Variants in ADAMTSL1 observed in about 807,000 individuals in gnomAD.
The protein encoded by ADAMTSL1 is ADAMTS like 1.
In ADAMTSL1, 126 loss-of-function variants were observed where a neutral mutation model predicts 201.8. The observed-to-expected ratio is 0.62, with a 90% CI of 0.54 to 0.72. ADAMTSL1 has a LOEUF of 0.72. ADAMTSL1 is among the 30% of genes least tolerant of loss of function. The pLI is 0.00. For missense variants in ADAMTSL1, 2,679 were observed against 2,277.8 expected, an observed-to-expected ratio of 1.18 and a Z score of -3.59; for synonymous variants, 1,121 against 903.4, an observed-to-expected ratio of 1.24 and a Z score of -4.32.
intron 7 of ADAMTSL1, among the ~76,000 whole-genome samples, chr9:18,641,244 C>A (rs1332849003): frequency 6.6e-6 from 1 of 151,982 alleles, no homozygotes; most frequent in Non-Finnish European, 1.5e-5. Context: ...TTGACTCTAC[C>A]CCAAATTTCT....
At chr9:17,960,768 A>T (rs1245176107) in intron 1 of ADAMTSL1, among the ~76,000 whole-genome samples, 1 of 152,122 alleles carries the variant, frequency 6.6e-6, no homozygotes, top group Non-Finnish European at 1.5e-5. Flanking sequence ...GCCTGCACTT[A>T]TACTTTATAG....
Position 18,684,796 on chromosome 9 carries a change from C to G in ADAMTSL1, c.1570C>G (p.Pro524Ala). The change falls in exon 13 of 29, where the codon CCC becomes GCC. Residue 524 changes from proline to alanine, a missense_variant. Physicochemically the swap from Pro to Ala is conservative, Grantham distance 27 (BLOSUM62 -1). Coordinates refer to ENST00000380548, the MANE Select transcript of ADAMTSL1 (RefSeq NM_001040272.6). ...AGAAGGAGCTGCTGTGTCAGAGGAG[C>G]CCTCGTAAGTTGTAAAAGCACAGAC... ...LEEGAAVSEE[P>A]SFIPEAWSAC... is the part of the protein sequence containing the mutation. 1 of 1,610,300 alleles carries G rather than the reference C, an allele frequency of 6.2e-7. No individual in the cohort carries two copies. Among genetic ancestry groups the G allele is most frequent in the South Asian group, 1.1e-5 (1 of 89,638 alleles).
At chr9:18,665,350 A>G (rs1829367257) in intron 9 of ADAMTSL1, among the ~76,000 whole-genome samples, 1 of 152,154 alleles carries the variant, frequency 6.6e-6, no homozygotes, top group African/African-American at 2.4e-5. Flanking sequence ...AATCATAAAT[A>G]TCATCAGTAT....
At chr9:18,599,784 A>G (rs1824505773) in intron 4 of ADAMTSL1, among the ~76,000 whole-genome samples, 1 of 150,546 alleles carries the variant, frequency 6.6e-6, no homozygotes, top group Non-Finnish European at 1.5e-5. Flanking sequence ...TAATTAAATT[A>G]TATTTATATA....
chr9:18,421,343 T>C (rs1818938200), intron 2 of ADAMTSL1, among the ~76,000 whole-genome samples: 1 of 152,170 alleles, frequency 6.6e-6, no homozygotes. Flanking sequence ...ACTTCATTCA[T>C]ACTGCAAAGT....
Position 18,276,698 on chromosome 9 carries a change from T to C in ADAMTSL1, c.207+112717T>C, listed in dbSNP as rs532720169. Reference sequence around the variant, plus strand: ...GCAAAGGGGGAGGAGGTGGTGTATATCACATGATGAGAACAGGAGCAAGAG... The same window carrying C: ...GCAAAGGGGGAGGAGGTGGTGTATACCACATGATGAGAACAGGAGCAAGAG... On this transcript the variant is annotated intron_variant, in intron 2 of 29. Transcript: ENST00000680146. Among the ~76,000 whole-genome samples, 6 of 152,252 alleles carry C rather than the reference T, an allele frequency of 3.9e-5. No homozygotes were observed. The South Asian group carries it at 1.0e-3, about 26-fold the overall frequency.
intron 26 of ADAMTSL1, among the ~76,000 whole-genome samples, chr9:18,897,311 G>A (rs1369693967): frequency 6.6e-6 from 1 of 152,190 alleles, no homozygotes; most frequent in Non-Finnish European, 1.5e-5. Flanking sequence ...AGTCCAGGCA[G>A]TCTGGACAAG....
intron 16 of ADAMTSL1, among the ~76,000 whole-genome samples, chr9:18,766,584 A>G (rs1027272606): frequency 6.6e-6 from 1 of 152,170 alleles, no homozygotes; most frequent in African/African-American, 2.4e-5. Context: ...TCAATGACAG[A>G]AATTTATTTC....
chr9:18,676,108 C>G (rs1229250644), intron 10 of ADAMTSL1, among the ~76,000 whole-genome samples: 2 of 151,986 alleles, frequency 1.3e-5, no homozygotes, highest in East Asian at 3.9e-4. Flanking sequence ...ATTCAAAAAC[C>G]ACTTTAAGGT....
intron 1 of ADAMTSL1, among the ~76,000 whole-genome samples, chr9:18,011,006 A>G (rs1820029949): frequency 6.6e-6 from 1 of 151,998 alleles, no homozygotes. Context: ...TCTGAAAGAC[A>G]TGGCCCATGT....
intron 1 of ADAMTSL1, among the ~76,000 whole-genome samples, chr9:18,048,347 T>C (rs1252721036): frequency 1.3e-5 from 2 of 152,148 alleles, no homozygotes. Flanking sequence ...AAAAAACAGG[T>C]GAAATTCCAG....
chr9:18,766,442 G>C (rs1255853145), intron 16 of ADAMTSL1, among the ~76,000 whole-genome samples: 2 of 152,096 alleles, frequency 1.3e-5, no homozygotes, highest in Non-Finnish European at 2.9e-5. Flanking sequence ...AGACAATATG[G>C]GGTTTCCAAC....
rs115660813 is a variant in ADAMTSL1 at position 18,023,648 on chromosome 9, A to G, written c.87+116726A>G. Among the ~76,000 whole-genome samples, 891 of 152,146 alleles carry G rather than the reference A, an allele frequency of 5.9e-3. 8 individuals are homozygous for G. Among genetic ancestry groups the G allele is most frequent in the African/African-American group, 0.021 (853 of 41,520 alleles). ...GGTGCGAATGGAGTAATATTATAACATTTCCCCAGATTTCTTCTGTCTGGT... is the reference window on the plus strand; with the variant it reads ...GGTGCGAATGGAGTAATATTATAACGTTTCCCCAGATTTCTTCTGTCTGGT... On this transcript the variant is annotated intron_variant, in intron 1 of 29. Coordinates refer to the ADAMTSL1 transcript ENST00000680146.
chr9:18,059,443 G>A (rs993644312), intron 1 of ADAMTSL1, among the ~76,000 whole-genome samples: 4 of 152,132 alleles, frequency 2.6e-5, no homozygotes, highest in Non-Finnish European at 4.4e-5. Flanking sequence ...ATGTGGTGGG[G>A]AAAATGGTGA....
At chr9:18,171,752 C>T (rs1024867319) in intron 2 of ADAMTSL1, among the ~76,000 whole-genome samples, 5 of 152,020 alleles carry the variant, frequency 3.3e-5, no homozygotes, top group African/African-American at 9.7e-5. Context: ...GAAGTCTTTG[C>T]CCATGCCTAT....
At chr9:18,212,114 T>G (rs1829893056) in intron 2 of ADAMTSL1, among the ~76,000 whole-genome samples, 1 of 152,178 alleles carries the variant, frequency 6.6e-6, no homozygotes, top group Non-Finnish European at 1.5e-5. Flanking sequence ...GAACCAAATC[T>G]GGACAAGGTG....
At chr9:18,298,305 A>T (rs1563868353) in intron 2 of ADAMTSL1, among the ~76,000 whole-genome samples, 1 of 152,212 alleles carries the variant, frequency 6.6e-6, no homozygotes, top group African/African-American at 2.4e-5. Context: ...TATACGGCCC[A>T]TGAGTCTTAC....
chr9:18,275,898 C>T (rs930662900), intron 2 of ADAMTSL1, among the ~76,000 whole-genome samples: 10 of 152,054 alleles, frequency 6.6e-5, no homozygotes, highest in African/African-American at 2.2e-4. Context: ...ATTGTAGGCT[C>T]CTATGATAAA....
intron 2 of ADAMTSL1, among the ~76,000 whole-genome samples, chr9:18,322,571 TG>T (rs1834667835): frequency 6.6e-6 from 1 of 152,064 alleles, no homozygotes; most frequent in Non-Finnish European, 1.5e-5. Context: ...AAATAGAGGT[TG>T]CAGTGAGCCG....
Sources: gnomAD v4.1 joint callset for allele counts (sites outside exome capture counted in the v4.1 genomes callset) on GRCh38, gnomAD v4.1.1 for gene constraint, MANE v1.5 for transcripts, NCBI Gene and HGNC (gene_info 2026-07-23, HGNC 2026-07-21) for gene names.